The following GRM5 variants were observed in gnomAD, a reference collection of about 807,000 sequenced individuals.
GRM5 encodes the protein metabotropic glutamate receptor 5.
GRM5 carries 19 observed loss-of-function variants against 83.1 expected under a neutral mutation model. That is an observed-to-expected ratio of 0.23 (90% CI 0.16 to 0.34). The LOEUF (loss-of-function observed/expected upper bound fraction) is 0.34. Among genes scored for constraint, GRM5 ranks in the 10% least tolerant of loss-of-function variants. The pLI is 1.00. For synonymous variants in GRM5, 675 were observed against 633.6 expected (o/e 1.07, Z -0.98); for missense variants, 1,160 against 1,588.3 (o/e 0.73, Z 4.58).
At chr11:88,885,448 ATGTTTTTT>A (rs1349416111) in intron 2 of GRM5, among the ~76,000 whole-genome samples, 11 of 75,126 alleles carry the variant, frequency 1.5e-4, no homozygotes, top group Admixed American at 4.8e-4. Context: ...AGTAGGTACC[ATGTTTTTT>A]TTTTTTTTTT....
chr11:89,002,216 T>C (rs143394585), intron 2 of GRM5, among the ~76,000 whole-genome samples: 101 of 152,294 alleles, frequency 6.6e-4, no homozygotes, highest in Middle Eastern at 3.4e-3. Context: ...TAATGGTAAT[T>C]AATAATTCCA....
At chr11:88,773,153 G>A (rs1213652711) in intron 3 of GRM5, among the ~76,000 whole-genome samples, 1 of 152,186 alleles carries the variant, frequency 6.6e-6, no homozygotes, top group Admixed American at 6.5e-5. Flanking sequence ...TAACTGGCAT[G>A]AGATGGTATC....
chr11:88,688,059 T>G (rs886134787), intron 3 of GRM5, among the ~76,000 whole-genome samples: 1 of 152,188 alleles, frequency 6.6e-6, no homozygotes, highest in Non-Finnish European at 1.5e-5. Context: ...AATATCCATT[T>G]ACATTAAGAG....
At chr11:88,701,685 A>G (rs558899705) in intron 3 of GRM5, among the ~76,000 whole-genome samples, 1 of 152,264 alleles carries the variant, frequency 6.6e-6, no homozygotes, top group South Asian at 2.1e-4. Context: ...TGGAGGTTAC[A>G]TTGGTTTGGC....
intron 2 of GRM5, among the ~76,000 whole-genome samples, chr11:89,034,017 TC>T (rs1941324999): frequency 7.1e-6 from 1 of 141,626 alleles, no homozygotes; most frequent in Admixed American, 7.4e-5. Flanking sequence ...TTTAAGTCTT[TC>T]CAGAGTTCCA....
intron 2 of GRM5, among the ~76,000 whole-genome samples, chr11:88,967,248 C>CATATATATATATATATATATACACAT (rs1939008332): frequency 7.1e-6 from 1 of 141,666 alleles, no homozygotes; most frequent in Non-Finnish European, 1.5e-5. Context: ...TATATATACA[C>CATATATATATATATATATATACACAT]ATATATATAT....
chr11:88,625,329 G>T (rs931651193), intron 4 of GRM5, among the ~76,000 whole-genome samples: 1 of 152,018 alleles, frequency 6.6e-6, no homozygotes, highest in Non-Finnish European at 1.5e-5. Flanking sequence ...GAGAGAAAAG[G>T]CTATACCCGT....
intron 3 of GRM5, among the ~76,000 whole-genome samples, chr11:88,841,721 T>G (rs1187396456): frequency 6.6e-6 from 1 of 152,204 alleles, no homozygotes; most frequent in Non-Finnish European, 1.5e-5. Context: ...TCTTGTGATA[T>G]CATGACTTTT....
Position 88,509,293 on chromosome 11 carries a change from C to T in GRM5, c.2938G>A (p.Ala980Thr), listed in dbSNP as rs779474553. ...SAGGVGATGG[A>T]GCAGAGPGGP... ...CCTGGGCCGGCGCCTGCGCAGCCCGCACCGCCCGTGGCCCCCACGCCCCCA... is the reference window on the plus strand; with the variant it reads ...CCTGGGCCGGCGCCTGCGCAGCCCGTACCGCCCGTGGCCCCCACGCCCCCA... The change falls in exon 10 of 10, where the codon GCG becomes ACG. Residue 980 changes from alanine (A) to threonine (T), a missense_variant. Ala to Thr is a moderately conservative substitution (Grantham distance 58, BLOSUM62 0). This residue lies in a region of GRM5 where 562 missense variants were observed against 532.4 expected (regional missense o/e 1.06). Coordinates refer to ENST00000305447, the MANE Select transcript of GRM5 (RefSeq NM_001143831.3). The T allele has an allele frequency of 4.0e-6, 6 of 1,497,018 alleles. No individual in the cohort carries two copies. Among genetic ancestry groups the T allele is most frequent in the Non-Finnish European group, 5.3e-6 (6 of 1,126,848 alleles). 92.7% of individuals were successfully genotyped at this position (1,497,018 alleles called of 1,614,324 possible).
intron 4 of GRM5, among the ~76,000 whole-genome samples, chr11:88,641,851 T>G (rs1435133833): frequency 6.6e-6 from 1 of 152,210 alleles, no homozygotes; most frequent in Non-Finnish European, 1.5e-5. Context: ...GGGTTGAAGT[T>G]GAGTGCCTGT....
At chr11:88,826,910 G>T (rs954335314) in intron 3 of GRM5, among the ~76,000 whole-genome samples, 1 of 152,160 alleles carries the variant, frequency 6.6e-6, no homozygotes, top group Non-Finnish European at 1.5e-5. Context: ...AAATGGAAAA[G>T]TGGAAGTGTC....
intron 3 of GRM5, among the ~76,000 whole-genome samples, chr11:88,821,417 A>G (rs985128925): frequency 2.0e-5 from 3 of 151,152 alleles, no homozygotes; most frequent in Non-Finnish European, 4.4e-5. Flanking sequence ...GAAGGGTCAT[A>G]GTTCCAAAAT....
chr11:88,745,935 T>C (rs1361260034), intron 3 of GRM5, among the ~76,000 whole-genome samples: 1 of 152,214 alleles, frequency 6.6e-6, no homozygotes, highest in African/African-American at 2.4e-5. Context: ...ATTTAGTCCG[T>C]CTGTGTCTTG....
intron 2 of GRM5, among the ~76,000 whole-genome samples, chr11:88,860,697 T>A (rs1385079351): frequency 6.6e-6 from 1 of 152,208 alleles, no homozygotes; most frequent in African/African-American, 2.4e-5. Context: ...AGATTCCCTT[T>A]GGAAGGACTT....
intron 3 of GRM5, among the ~76,000 whole-genome samples, chr11:88,693,472 T>G (rs914163671): frequency 1.3e-5 from 2 of 152,084 alleles, no homozygotes; most frequent in African/African-American, 4.8e-5. Flanking sequence ...ATTCTGAAAA[T>G]GTTGAGAAAC....
chr11:88,786,821 T>C (rs1943077793), intron 3 of GRM5, among the ~76,000 whole-genome samples: 1 of 152,120 alleles, frequency 6.6e-6, no homozygotes, highest in Non-Finnish European at 1.5e-5. Context: ...AAATATGAGC[T>C]TCATGAAGAC....
At chr11:89,016,472 A>G (rs1355470405) in intron 2 of GRM5, among the ~76,000 whole-genome samples, 2 of 152,112 alleles carry the variant, frequency 1.3e-5, no homozygotes, top group Non-Finnish European at 2.9e-5. Context: ...TCTTATAGAA[A>G]GAAATTAATA....
At chr11:88,591,851 C>A (rs1473819908) in intron 6 of GRM5, among the ~76,000 whole-genome samples, 1 of 152,176 alleles carries the variant, frequency 6.6e-6, no homozygotes, top group Non-Finnish European at 1.5e-5. Context: ...TTAAAGTATT[C>A]TTCATAATAA....
intron 3 of GRM5, among the ~76,000 whole-genome samples, chr11:88,750,736 T>C (rs1603899): frequency 0.72 from 110,101 of 151,994 alleles, 40,299 homozygotes; most frequent in African/African-American, 0.75. Context: ...GTCTCTCAGA[T>C]CACAGCACAA....
Sources: allele counts gnomAD v4.1 joint callset (sites outside exome capture counted in the v4.1 genomes callset), GRCh38; gene constraint gnomAD v4.1.1; regional missense constraint gnomAD v4.1.1; transcripts MANE v1.5; gene names NCBI Gene and HGNC (gene_info 2026-07-23, HGNC 2026-07-21).